Variants in SYNE1 observed in about 807,000 individuals in gnomAD.
The protein encoded by SYNE1 is nesprin-1.
SYNE1 carries 616 observed loss-of-function variants against 1,111.0 expected under a neutral mutation model. That is an observed-to-expected ratio of 0.55 (90% confidence interval 0.52 to 0.59). The LOEUF (loss-of-function observed/expected upper bound fraction) is 0.59. SYNE1 is among the 20% of genes least tolerant of loss of function. The pLI is 0.00. For missense variants in SYNE1, 10,006 were observed against 10,417.0 expected, an observed-to-expected ratio of 0.96 and a Z score of 1.72; for synonymous variants, 3,855 against 3,825.8, an observed-to-expected ratio of 1.01 and a Z score of -0.28.
chr6:152,396,116 G>T (rs773445376), intron 50 of SYNE1, among the ~76,000 whole-genome samples: 6 of 152,168 alleles, frequency 3.9e-5, no homozygotes, highest in Non-Finnish European at 7.3e-5. Context: ...CCTTGAGTTG[G>T]GGCCAGTGAA....
intron 3 of SYNE1, 93 bp from the exon 4 acceptor site, chr6:152,540,114 C>A: frequency 1.6e-6 from 2 of 1,279,510 alleles, no homozygotes; most frequent in South Asian, 1.2e-5. Context: ...TGGAAGGAAT[C>A]GTGAAATCGT....
chr6:152,178,657 C>G (rs1218123041), intron 129 of SYNE1, among the ~76,000 whole-genome samples: 1 of 152,060 alleles, frequency 6.6e-6, no homozygotes, highest in Non-Finnish European at 1.5e-5. Flanking sequence ...TAAATACTGG[C>G]TGAGTGCTTA....
intron 130 of SYNE1, among the ~76,000 whole-genome samples, chr6:152,172,730 G>A (rs2635466): frequency 0.014 from 2,059 of 152,212 alleles, 41 homozygotes; most frequent in East Asian, 0.1. Flanking sequence ...AGAGTGATGC[G>A]TCACCAATGA....
chr6:152,230,505 G>A, intron 115 of SYNE1, 42 bp downstream of exon 115: 2 of 1,598,584 alleles, frequency 1.3e-6, no homozygotes, highest in Non-Finnish European at 1.7e-6. Context: ...CATACGCTAT[G>A]AAATTGTGAG....
At chr6:152,297,781 C>CTG (rs377152081) in intron 93 of SYNE1, among the ~76,000 whole-genome samples, 4,428 of 119,628 alleles carry the variant, frequency 0.037, 66 homozygotes, top group South Asian at 0.059. Flanking sequence ...CAGTCTCACT[C>CTG]TGTGTGTGTG....
At chr6:152,192,037 A>C (rs2072578959) in intron 127 of SYNE1, among the ~76,000 whole-genome samples, 1 of 152,048 alleles carries the variant, frequency 6.6e-6, no homozygotes, top group Admixed American at 6.6e-5. Flanking sequence ...TTTAATTTCT[A>C]TGTGTTTGTA....
chr6:152,301,825 C>T (rs1468665614), intron 92 of SYNE1, 44 bp downstream of exon 92: 1 of 1,563,576 alleles, frequency 6.4e-7, no homozygotes, highest in South Asian at 1.2e-5. Flanking sequence ...ACTCGCCAGG[C>T]TCCAGTCAAA....
Position 152,369,124 on chromosome 6 carries a change from C to T in SYNE1, c.9655G>A (p.Val3219Ile), listed in dbSNP as rs140927945. Residue 3219 changes from valine to isoleucine, a missense_variant, in exon 61 of 146, where the codon GTC becomes ATC. Physicochemically the swap from Val to Ile is conservative, Grantham distance 29. Coordinates refer to ENST00000367255, the MANE Select transcript of SYNE1 (RefSeq NM_182961.4). ...KRREQQKLQSVLEEIHCYEPQ... is the reference protein window; with the variant it reads ...KRREQQKLQSILEEIHCYEPQ... ...TCGTAGCAGTGTATTTCCTCAAGGA[C>T]AGACTGAAAAGCACAAGCAAGTTAC... 341 of 1,613,214 alleles carry T rather than the reference C, an allele frequency of 2.1e-4. 1 individual carries two copies. In the African/African-American group the frequency reaches 4.0e-3, roughly 19 times the overall value.
At chr6:152,380,303 T>C (rs894744503) in intron 56 of SYNE1, among the ~76,000 whole-genome samples, 13 of 152,152 alleles carry the variant, frequency 8.5e-5, no homozygotes, top group Admixed American at 7.2e-4. Flanking sequence ...ATCAGGGCAT[T>C]ATAAAACTGG....
chr6:152,153,084 T>G (rs1458284795), intron 133 of SYNE1, among the ~76,000 whole-genome samples: 1 of 152,224 alleles, frequency 6.6e-6, no homozygotes, highest in Non-Finnish European at 1.5e-5. Context: ...ACCGCACTCA[T>G]CAAATCCCCA....
intron 10 of SYNE1, among the ~76,000 whole-genome samples, chr6:152,501,972 A>G (rs895090394): frequency 6.6e-6 from 1 of 152,210 alleles, no homozygotes; most frequent in Non-Finnish European, 1.5e-5. Flanking sequence ...TCTGCCATAT[A>G]TAATACAAAT....
chr6:152,318,962 G>C lies in SYNE1; in HGVS notation c.16290C>G (p.Leu5430=). 1 of 1,614,212 alleles carries C rather than the reference G, an allele frequency of 6.2e-7. No individual in the cohort carries two copies. The highest frequency in any genetic ancestry group is 8.5e-7 in the Non-Finnish European group (1 of 1,180,046). ...VEQSKATSQE[L]SRQIQKLAKD... ...TAGCTAACTTCTGAATTTGCCGGCT[G>C]AGTTCCTGGCTCGTGGCCTTGCTCT... Residue 5430 remains leucine, a synonymous_variant, in exon 85 of 146, where the codon CTC becomes CTG. Coordinates refer to ENST00000367255, the MANE Select transcript of SYNE1 (RefSeq NM_182961.4).
At chr6:152,308,152 C>A (rs536765735) in intron 91 of SYNE1, among the ~76,000 whole-genome samples, 1 of 151,986 alleles carries the variant, frequency 6.6e-6, no homozygotes, top group East Asian at 1.9e-4. Context: ...AAGCTTTAAG[C>A]GTTGCTGTTT....
At chr6:152,438,584 C>T (rs2098498280) in intron 32 of SYNE1, among the ~76,000 whole-genome samples, 1 of 152,188 alleles carries the variant, frequency 6.6e-6, no homozygotes, top group South Asian at 2.1e-4. Context: ...GAAACCTAGG[C>T]TCCAACCTTC....
At chr6:152,534,813 C>T (rs1325072718) in intron 4 of SYNE1, among the ~76,000 whole-genome samples, 1 of 152,186 alleles carries the variant, frequency 6.6e-6, no homozygotes, top group African/African-American at 2.4e-5. Context: ...ATGAAAGCCA[C>T]CACTAAAGTG....
chr6:152,602,263 C>T (rs2099597991), intron 3 of SYNE1, among the ~76,000 whole-genome samples: 1 of 152,090 alleles, frequency 6.6e-6, no homozygotes, highest in South Asian at 2.1e-4. Flanking sequence ...AGGGTGGGCC[C>T]TAATCTACGA....
chr6:152,215,155 C>T, intron 121 of SYNE1, 95 bp from the exon 122 acceptor site: 1 of 1,449,314 alleles, frequency 6.9e-7, no homozygotes, highest in African/African-American at 1.4e-5. Context: ...CAGGAAGTAG[C>T]TGGTCTTCGG....
intron 3 of SYNE1, among the ~76,000 whole-genome samples, chr6:152,588,818 C>T (rs115270037): frequency 0.022 from 3,316 of 152,262 alleles, 125 homozygotes; most frequent in African/African-American, 0.075. Flanking sequence ...CCTGCAAAGG[C>T]CCATCCAGGT....
At chr6:152,536,422 T>C (rs376034665) in intron 4 of SYNE1, among the ~76,000 whole-genome samples, 1 of 81,332 alleles carries the variant, frequency 1.2e-5, no homozygotes, top group Non-Finnish European at 3.1e-5. Context: ...AATATATATA[T>C]TTATATATAT....
Sources: gnomAD v4.1 joint callset for allele counts (sites outside exome capture counted in the v4.1 genomes callset) on GRCh38, gnomAD v4.1.1 for gene constraint, MANE v1.5 for transcripts, NCBI Gene and HGNC (gene_info 2026-07-23, HGNC 2026-07-21) for gene names.